The following PIBF1 variants were observed in gnomAD, a reference collection of about 807,000 sequenced individuals.
PIBF1 encodes progesterone-induced-blocking factor 1.
In PIBF1, 90 loss-of-function variants were observed where a neutral mutation model predicts 112.5. The observed-to-expected ratio is 0.80, with a 90% CI of 0.67 to 0.95. The LOEUF is 0.95. Ranked by LOEUF, PIBF1 falls within the 40% of genes least tolerant of loss-of-function variation. The pLI is 0.00. For missense variants in PIBF1, 915 were observed against 852.3 expected (o/e 1.07, Z -0.92); for synonymous variants, 301 against 288.6 (o/e 1.04, Z -0.44).
Position 72,889,265 on chromosome 13 carries a change from A to G in PIBF1, c.1323-4519A>G, listed in dbSNP as rs370719850. On this transcript the variant is annotated intron_variant, in intron 10 of 17. Coordinates refer to ENST00000326291, the MANE Select transcript of PIBF1 (RefSeq NM_006346.4). ...TCAGCTTCTGTCCTTGTCGACTCCA[A>G]TTTCTTATAGCTGAATCTACCAAAG... Among the ~76,000 whole-genome samples the G allele has an allele frequency of 5.3e-5, 8 of 152,130 alleles. No homozygotes were observed. The South Asian group carries it at 6.2e-4, about 12-fold the overall frequency.
At chr13:73,000,231 A>G (rs554623879) in intron 17 of PIBF1, among the ~76,000 whole-genome samples, 13 of 152,046 alleles carry the variant, frequency 8.6e-5, no homozygotes, top group Non-Finnish European at 1.9e-4. Context: ...GTTTCTGCTT[A>G]CTCATGTTTT....
At chr13:72,815,552 T>C (rs1233916238) in intron 5 of PIBF1, among the ~76,000 whole-genome samples, 2 of 152,230 alleles carry the variant, frequency 1.3e-5, no homozygotes, top group Non-Finnish European at 2.9e-5. Context: ...ATTAATCAAA[T>C]GTAGTTCAGT....
At chr13:72,814,175 C>T (rs2036155628) in intron 5 of PIBF1, among the ~76,000 whole-genome samples, 1 of 152,100 alleles carries the variant, frequency 6.6e-6, no homozygotes, top group Admixed American at 6.6e-5. Context: ...CAGTGGCTCA[C>T]GCCTGTAATC....
intron 6 of PIBF1, among the ~76,000 whole-genome samples, chr13:72,822,202 G>A (rs1164359489): frequency 6.6e-6 from 1 of 152,070 alleles, no homozygotes; most frequent in Non-Finnish European, 1.5e-5. Context: ...TGTAAACAGA[G>A]ATAGAAACCC....
intron 14 of PIBF1, among the ~76,000 whole-genome samples, chr13:72,944,965 G>A (rs950339716): frequency 6.6e-6 from 1 of 151,956 alleles, no homozygotes; most frequent in East Asian, 1.9e-4. Flanking sequence ...ATTATGTGAT[G>A]GTAAGGTTTG....
intron 4 of PIBF1, among the ~76,000 whole-genome samples, chr13:72,795,806 C>T (rs961997281): frequency 1.3e-5 from 2 of 152,116 alleles, no homozygotes; most frequent in African/African-American, 4.8e-5. Flanking sequence ...CTGGTGGTTT[C>T]TTACATTCTC....
intron 16 of PIBF1, among the ~76,000 whole-genome samples, chr13:72,991,889 T>C (rs2043494091): frequency 6.6e-6 from 1 of 152,046 alleles, no homozygotes; most frequent in Admixed American, 6.6e-5. Flanking sequence ...TGGCTAATTT[T>C]TTGTGTTTTT....
chr13:72,953,354 C>T (rs914912461), intron 14 of PIBF1, among the ~76,000 whole-genome samples: 1 of 152,140 alleles, frequency 6.6e-6, no homozygotes, highest in Non-Finnish European at 1.5e-5. Flanking sequence ...ACGGTGCCTC[C>T]GTAATGTGCG....
chr13:72,959,062 G>C (rs558858929), intron 14 of PIBF1, among the ~76,000 whole-genome samples: 1 of 151,860 alleles, frequency 6.6e-6, no homozygotes, highest in Non-Finnish European at 1.5e-5. Context: ...GCAGTGGCGT[G>C]ATCTCGGCTC....
intron 11 of PIBF1, among the ~76,000 whole-genome samples, chr13:72,904,078 T>C (rs2040595525): frequency 6.7e-6 from 1 of 150,092 alleles, no homozygotes; most frequent in South Asian, 2.1e-4. Flanking sequence ...AAGATAATTA[T>C]TTGTTGGGTA....
At chr13:72,855,621 C>T (rs1049373560) in intron 10 of PIBF1, among the ~76,000 whole-genome samples, 4 of 151,984 alleles carry the variant, frequency 2.6e-5, no homozygotes, top group African/African-American at 9.7e-5. Flanking sequence ...AGCACTCCAG[C>T]CTGGGCGACA....
At chr13:72,988,075 A>G (rs905237026) in intron 16 of PIBF1, among the ~76,000 whole-genome samples, 2 of 150,560 alleles carry the variant, frequency 1.3e-5, no homozygotes, top group African/African-American at 4.9e-5. Context: ...GCTGGCCAGG[A>G]TGGTCTCAAT....
intron 6 of PIBF1, among the ~76,000 whole-genome samples, chr13:72,823,979 A>G (rs1161840511): frequency 6.6e-6 from 1 of 152,038 alleles, no homozygotes; most frequent in East Asian, 1.9e-4. Context: ...AGGGAGAATG[A>G]GGAGGAGGCT....
chr13:72,954,801 G>A (rs993685269), intron 14 of PIBF1, among the ~76,000 whole-genome samples: 1 of 152,114 alleles, frequency 6.6e-6, no homozygotes, highest in Non-Finnish European at 1.5e-5. Flanking sequence ...TTAAATTCTT[G>A]TGTTGCTTCT....
intron 14 of PIBF1, among the ~76,000 whole-genome samples, chr13:72,955,688 T>G (rs2042426828): frequency 6.6e-6 from 1 of 152,162 alleles, no homozygotes; most frequent in African/African-American, 2.4e-5. Flanking sequence ...CAAAGGTAGC[T>G]TTGAAGGAGA....
At chr13:72,818,612 T>C (rs187005849) in intron 5 of PIBF1, among the ~76,000 whole-genome samples, 85 of 152,124 alleles carry the variant, frequency 5.6e-4, no homozygotes, top group African/African-American at 1.7e-3. Flanking sequence ...TCCATATAAT[T>C]TGTTTCTTTA....
chr13:73,005,333 C>G (rs139526990), intron 17 of PIBF1, among the ~76,000 whole-genome samples: 1,668 of 150,080 alleles, frequency 0.011, 26 homozygotes, highest in African/African-American at 0.037. Flanking sequence ...ATTAGCCAGG[C>G]ATGGTGGTAT....
At chr13:72,874,402 TA>T (rs1407772135) in intron 10 of PIBF1, among the ~76,000 whole-genome samples, 1 of 152,100 alleles carries the variant, frequency 6.6e-6, no homozygotes, top group African/African-American at 2.4e-5. Context: ...TACATAGCAA[TA>T]AAAAAGGAGG....
At chr13:72,928,028 T>TATATATACACATATATACATATATATAC (rs1555316970) in intron 13 of PIBF1, among the ~76,000 whole-genome samples, 3 of 58,870 alleles carry the variant, frequency 5.1e-5, no homozygotes, top group Non-Finnish European at 7.6e-5. Flanking sequence ...TATATATACA[T>TATATATACACATATATACATATATATAC]ATATATATAT....
Sources: gnomAD v4.1 joint callset for allele counts (sites outside exome capture counted in the v4.1 genomes callset) on GRCh38, gnomAD v4.1.1 for gene constraint, MANE v1.5 for transcripts, NCBI Gene and HGNC (gene_info 2026-07-23, HGNC 2026-07-21) for gene names.